Variants in OSBPL10 observed in about 807,000 individuals in gnomAD.
OSBPL10 encodes oxysterol-binding protein-related protein 10.
OSBPL10 carries 49 observed loss-of-function variants against 81.7 expected under a neutral mutation model. That is an observed-to-expected ratio of 0.60 (90% CI 0.48 to 0.76). OSBPL10 has a LOEUF of 0.76. Ranked by LOEUF, OSBPL10 falls within the 30% of genes least tolerant of loss-of-function variation. The probability of loss-of-function intolerance (pLI) is 0.00; values close to 1 mark genes in which losing one functional copy is unlikely to be tolerated. For missense variants in OSBPL10, 923 were observed against 987.8 expected (o/e 0.93, Z 0.88); for synonymous variants, 419 against 383.6 (o/e 1.09, Z -1.08).
intron 5 of OSBPL10, among the ~76,000 whole-genome samples, chr3:31,743,699 C>T (rs1287478710): frequency 1.8e-4 from 28 of 152,166 alleles, no homozygotes; most frequent in Admixed American, 1.8e-3. Flanking sequence ...AGGCAAAGAG[C>T]CATCAGGCAG....
chr3:31,854,657 C>T (rs1700862697), intron 3 of OSBPL10, among the ~76,000 whole-genome samples: 1 of 152,068 alleles, frequency 6.6e-6, no homozygotes, highest in Admixed American at 6.5e-5. Flanking sequence ...GAAAACCCAC[C>T]ACGTATCCTT....
intron 3 of OSBPL10, among the ~76,000 whole-genome samples, chr3:31,854,980 T>TC (rs149906634): frequency 0.016 from 2,411 of 152,228 alleles, 52 homozygotes; most frequent in African/African-American, 0.055. Flanking sequence ...TAGTTTAGGG[T>TC]AGGTATCGCA....
At chr3:31,805,407 C>CAA (rs1699495660) in intron 4 of OSBPL10, among the ~76,000 whole-genome samples, 1 of 152,106 alleles carries the variant, frequency 6.6e-6, no homozygotes, top group Admixed American at 6.6e-5. Context: ...CATGGGGCTT[C>CAA]AAACAGAAGA....
chr3:31,808,097 C>G lies in OSBPL10; in HGVS notation c.729+21943G>C, dbSNP rs530527553. Among the ~76,000 whole-genome samples, 6 of 152,228 alleles carry G rather than the reference C, an allele frequency of 3.9e-5. No individual in the cohort carries two copies. In the South Asian group the frequency reaches 1.0e-3, roughly 26 times the overall value. On this transcript the variant is annotated intron_variant, in intron 4 of 11. Transcript: ENST00000396556. ...TAGCTACAATGACCCTGAGTTTCAC[C>G]CAGAATCAGTTACCTGGAATCAGGT... is the stretch of plus-strand genomic sequence containing the variant.
chr3:31,926,701 G>A (rs536648384), intron 1 of OSBPL10, among the ~76,000 whole-genome samples: 3 of 152,266 alleles, frequency 2.0e-5, no homozygotes, highest in East Asian at 3.9e-4. Context: ...GGGCTACACA[G>A]GGTGCTTTGA....
intron 1 of OSBPL10, among the ~76,000 whole-genome samples, chr3:31,917,288 AGT>A (rs1363506949): frequency 3.3e-5 from 5 of 152,234 alleles, no homozygotes; most frequent in Non-Finnish European, 7.3e-5. Context: ...CAAATGAGAA[AGT>A]AATTCAATCT....
chr3:31,930,665 T>A lies in OSBPL10; in HGVS notation c.281+50234A>T, dbSNP rs1049436085. ...TTAGGAAGCCTTTTATCTCCTTCTA[T>A]GGAATGATCTTTAAAAAACAGTGTA... On this transcript the variant is annotated intron_variant, in intron 1 of 11. Coordinates refer to ENST00000396556, the MANE Select transcript of OSBPL10 (RefSeq NM_017784.5). 3.3e-5 allele frequency among the ~76,000 whole-genome samples: 5 copies of A among 152,190 alleles called. No individual in the cohort carries two copies. In the East Asian group the frequency reaches 9.7e-4, roughly 29 times the overall value.
At chr3:31,818,804 T>G (rs1699913478) in intron 4 of OSBPL10, among the ~76,000 whole-genome samples, 1 of 152,054 alleles carries the variant, frequency 6.6e-6, no homozygotes, top group African/African-American at 2.4e-5. Flanking sequence ...TGACAGCTGG[T>G]CTCATCACCT....
chr3:31,794,772 G>A (rs1448817109), intron 4 of OSBPL10: 4 of 311,472 alleles, frequency 1.3e-5, no homozygotes, highest in Non-Finnish European at 2.6e-5. Flanking sequence ...GCCCCATCTT[G>A]GGAGACATTT....
intron 2 of OSBPL10, among the ~76,000 whole-genome samples, chr3:31,876,936 CT>C (rs1701489772): frequency 6.8e-6 from 1 of 147,826 alleles, no homozygotes; most frequent in Non-Finnish European, 1.5e-5. Context: ...CGGAGTCTCG[CT>C]CTGTCGCCCA....
In OSBPL10 at chr3:31,989,575, C is replaced by T. The variant is rs145325915; in HGVS notation, n.298+56916G>A. 350 of 1,614,220 alleles carry T rather than the reference C, an allele frequency of 2.2e-4. 1 individual carries two copies. The highest frequency in any genetic ancestry group is 3.6e-4 in the South Asian group (33 of 91,078). On this transcript the variant is annotated intron_variant and non_coding_transcript_variant, in intron 2 of 3. Coordinates refer to the OSBPL10 transcript ENST00000479173. ...AAGCTTTCATTCGCATCTTCCTGAA[C>T]TCCACATATTTCAGACCAAAGGGAA...
intron 2 of OSBPL10, among the ~76,000 whole-genome samples, chr3:32,002,721 G>C (rs1428534090): frequency 6.6e-6 from 1 of 152,214 alleles, no homozygotes; most frequent in Non-Finnish European, 1.5e-5. Flanking sequence ...GTTTCTCAGT[G>C]AGTCAGAAGG....
chr3:31,907,314 G>GA (rs1430995756), intron 1 of OSBPL10, among the ~76,000 whole-genome samples: 2 of 152,052 alleles, frequency 1.3e-5, no homozygotes, highest in African/African-American at 4.8e-5. Flanking sequence ...TTACTTGTAA[G>GA]AAAAGTAAGA....
At chr3:31,806,036 A>T (rs1699514463) in intron 4 of OSBPL10, among the ~76,000 whole-genome samples, 1 of 152,196 alleles carries the variant, frequency 6.6e-6, no homozygotes, top group South Asian at 2.1e-4. Context: ...GTATCTTGTG[A>T]GGTAACTTGC....
At chr3:31,664,409 G>C (rs1388837488) in intron 10 of OSBPL10, 177 bp from the exon 11 acceptor site, 1 of 623,492 alleles carries the variant, frequency 1.6e-6, no homozygotes, top group African/African-American at 1.8e-5. Flanking sequence ...GGGCTACCCA[G>C]CTCCACCTCT....
chr3:31,857,362 C>T (rs1025484387), intron 3 of OSBPL10, among the ~76,000 whole-genome samples: 3 of 152,018 alleles, frequency 2.0e-5, no homozygotes, highest in African/African-American at 7.2e-5. Context: ...AGAAGAGGAG[C>T]CTAATCTGAA....
chr3:31,849,363 T>C (rs1424911393), intron 3 of OSBPL10, among the ~76,000 whole-genome samples: 1 of 152,200 alleles, frequency 6.6e-6, no homozygotes, highest in Non-Finnish European at 1.5e-5. Flanking sequence ...TAAAGTAGAA[T>C]AGGATCTGAG....
At chr3:31,795,048 T>C (rs1020726577) in intron 4 of OSBPL10, 8 of 201,334 alleles carry the variant, frequency 4.0e-5, no homozygotes, top group Non-Finnish European at 6.5e-5. Flanking sequence ...CTACTCACAA[T>C]GTAGAGAAGA....
chr3:32,068,337 T>C (rs375736182), intron 1 of OSBPL10, among the ~76,000 whole-genome samples: 1 of 152,140 alleles, frequency 6.6e-6, no homozygotes, highest in Non-Finnish European at 1.5e-5. Context: ...TTCACCCACA[T>C]TCCCTTGGTG....
Sources: allele counts gnomAD v4.1 joint callset (sites outside exome capture counted in the v4.1 genomes callset), GRCh38; gene constraint gnomAD v4.1.1; transcripts MANE v1.5; gene names NCBI Gene and HGNC (gene_info 2026-07-23, HGNC 2026-07-21).